SGCG: variants seen among roughly 807,000 people sequenced by gnomAD.
The protein encoded by SGCG is gamma-sarcoglycan.
In SGCG, 26 loss-of-function variants were observed where a neutral mutation model predicts 29.3. The observed-to-expected ratio is 0.89, with a 90% confidence interval of 0.65 to 1.23. SGCG has a LOEUF of 1.23. Ranked by LOEUF, SGCG falls within the 50% of genes most tolerant of loss-of-function variation. SGCG has a pLI of 0.00. For synonymous variants in SGCG, 145 were observed against 129.7 expected (o/e 1.12, Z -0.80); for missense variants, 353 against 356.0 (o/e 0.99, Z 0.07).
chr13:23,237,030 CAGAAA>C (rs1208944272), intron 3 of SGCG, among the ~76,000 whole-genome samples: 3 of 152,046 alleles, frequency 2.0e-5, no homozygotes, highest in African/African-American at 7.3e-5. Context: ...CATAAAATTA[CAGAAA>C]AGAAATTACT....
chr13:23,241,703 A>G (rs1251016762), intron 3 of SGCG, among the ~76,000 whole-genome samples: 1 of 152,200 alleles, frequency 6.6e-6, no homozygotes, highest in Non-Finnish European at 1.5e-5. Context: ...TGATGAACAC[A>G]AATGTAAAAA....
At chr13:23,203,062 C>T (rs1170097074) in intron 1 of SGCG, among the ~76,000 whole-genome samples, 2 of 152,034 alleles carry the variant, frequency 1.3e-5, no homozygotes, top group African/African-American at 4.8e-5. Flanking sequence ...TGGGTTCAAG[C>T]GATTCTCCTG....
intron 1 of SGCG, among the ~76,000 whole-genome samples, chr13:23,193,436 CA>C (rs1473702996): frequency 2.6e-5 from 4 of 152,138 alleles, no homozygotes; most frequent in Non-Finnish European, 4.4e-5. Context: ...TGGAGTGGAG[CA>C]GGGGCAGTGC....
At chr13:23,169,242 C>A in the SGCG span, among the ~76,000 whole-genome samples, 1 of 151,846 alleles carries the variant, frequency 6.6e-6, no homozygotes, top group Admixed American at 6.6e-5. Flanking sequence ...CCTGTAAGTT[C>A]GGTTTGCATG....
intron 3 of SGCG, among the ~76,000 whole-genome samples, chr13:23,236,273 G>C (rs932714775): frequency 2.0e-5 from 3 of 152,184 alleles, no homozygotes; most frequent in African/African-American, 7.2e-5. Context: ...CCCCAGAGTT[G>C]TGTTGGCTGA....
chr13:23,304,184 G>T (rs1477642824), intron 6 of SGCG, among the ~76,000 whole-genome samples: 2 of 151,922 alleles, frequency 1.3e-5, no homozygotes, highest in Non-Finnish European at 2.9e-5. Flanking sequence ...CCCAGCTTCA[G>T]TTGGTTTTTG....
chr13:23,304,993 G>C (rs550708624), intron 6 of SGCG, among the ~76,000 whole-genome samples: 1 of 8,498 alleles, frequency 1.2e-4, no homozygotes, highest in Non-Finnish European at 3.9e-4. Context: ...AGGCGTGCAC[G>C]TGCTCACACA....
At chr13:23,236,592 G>A (rs898146010) in intron 3 of SGCG, among the ~76,000 whole-genome samples, 35 of 152,116 alleles carry the variant, frequency 2.3e-4, no homozygotes, top group African/African-American at 8.2e-4. Context: ...GCAGGAGAAT[G>A]GCGTGAACCT....
At chr13:23,300,019 C>G in intron 6 of SGCG, among the ~76,000 whole-genome samples, 1 of 152,084 alleles carries the variant, frequency 6.6e-6, no homozygotes, top group Non-Finnish European at 1.5e-5. Flanking sequence ...CTATTGGAGG[C>G]ATAGGCAAAT....
chr13:23,166,244 T>C, the SGCG span, among the ~76,000 whole-genome samples: 1 of 152,104 alleles, frequency 6.6e-6, no homozygotes, highest in Admixed American at 6.6e-5. Context: ...TTTGTTTGTT[T>C]GTTTTTTGAG....
intron 3 of SGCG, among the ~76,000 whole-genome samples, chr13:23,235,651 G>A (rs1361343143): frequency 2.0e-5 from 3 of 152,172 alleles, no homozygotes; most frequent in South Asian, 2.1e-4. Context: ...TAGTAGGCAC[G>A]AACATTTTGC....
intron 2 of SGCG, among the ~76,000 whole-genome samples, chr13:23,227,475 G>A (rs756142235): frequency 3.3e-5 from 5 of 151,998 alleles, no homozygotes; most frequent in Admixed American, 2.6e-4. Context: ...CCTTAGACCC[G>A]CCATACAAAC....
At chr13:23,232,943 A>G (rs1296695418) in intron 2 of SGCG, among the ~76,000 whole-genome samples, 1 of 152,224 alleles carries the variant, frequency 6.6e-6, no homozygotes, top group Non-Finnish European at 1.5e-5. Flanking sequence ...GGATGCAGAG[A>G]AATTGGAATT....
At chr13:23,207,686 A>G (rs1878034380) in intron 2 of SGCG, among the ~76,000 whole-genome samples, 1 of 152,156 alleles carries the variant, frequency 6.6e-6, no homozygotes, top group Non-Finnish European at 1.5e-5. Flanking sequence ...AAGAAGACAT[A>G]CAATGGCCAA....
rs191752788 is a variant in SGCG, at chr13:23,219,535, T to G, written c.196-15076T>G. Among the ~76,000 whole-genome samples the G allele has an allele frequency of 3.3e-3, 505 of 152,254 alleles. 2 individuals carry two copies. Among genetic ancestry groups the G allele is most frequent in the African/African-American group, 0.011 (476 of 41,542 alleles). On this transcript the variant is annotated intron_variant, in intron 2 of 7. Coordinates refer to ENST00000218867, the MANE Select transcript of SGCG (RefSeq NM_000231.3). ...TTTTTCTTCCTCTAGAAGAGGAGGA[T>G]ATTTTTTAGGTTTATTTTATTTTGC...
intron 5 of SGCG, among the ~76,000 whole-genome samples, chr13:23,284,519 G>C (rs550513666): frequency 1.6e-4 from 25 of 151,972 alleles, no homozygotes; most frequent in Non-Finnish European, 2.6e-4. Context: ...CTTTTTTCAA[G>C]GTTCTTAGCT....
rs1295655430 is a variant in SGCG, at chr13:23,299,439, TATATATATATATA to T, written c.578+3953_578+3965del. On this transcript the variant is annotated intron_variant, in intron 6 of 7. Transcript: ENST00000218867. ...ATATATATATATATATATATATATA[TATATATATATATA>T]TATATTTTTTTTTTTTTTTTAGTCG... Among the ~76,000 whole-genome samples, 23 of 21,196 alleles carry T rather than the reference TATATATATATATA, an allele frequency of 1.1e-3. 2 individuals carry two copies. The highest frequency in any genetic ancestry group is 1.5e-3 in the East Asian group (1 of 686). The allele number at this position is 21,196 out of a possible 152,430, so 13.9% of individuals were successfully genotyped here. A position where few individuals can be genotyped will look rare whatever the true frequency, so the allele number is the denominator to read the frequency against.
rs10569811 is a variant in SGCG at position 23,223,276 on chromosome 13, CAA to C, written c.196-11314_196-11313del. Among the ~76,000 whole-genome samples the C allele has an allele frequency of 1.1e-3, 113 of 103,804 alleles. No individual in the cohort carries two copies. The East Asian group carries it at 0.011, about 11-fold the overall frequency. The allele number at this position is 103,804 out of a possible 152,430, so 68.1% of individuals were successfully genotyped here. ...TGGGCGACAGAGTCAGACTCTGTCA[CAA>C]AAAAAAAAAAAAAAAAAAAAGAGTA... On this transcript the variant is annotated intron_variant, in intron 2 of 7. Transcript: ENST00000218867.
intron 4 of SGCG, among the ~76,000 whole-genome samples, chr13:23,253,091 T>C (rs1367302344): frequency 2.6e-5 from 4 of 151,306 alleles, no homozygotes; most frequent in Admixed American, 6.7e-5. Context: ...AGTTTTTCTT[T>C]TTTTAAAAAG....
Sources: gnomAD v4.1 joint callset for allele counts (sites outside exome capture counted in the v4.1 genomes callset) on GRCh38, gnomAD v4.1.1 for gene constraint, MANE v1.5 for transcripts, NCBI Gene and HGNC (gene_info 2026-07-23, HGNC 2026-07-21) for gene names.